Variants in MAST4 observed in about 807,000 individuals in gnomAD.
MAST4 encodes the protein microtubule associated serine/threonine kinase family member 4.
In MAST4, 89 loss-of-function variants were observed where a neutral mutation model predicts 162.7. The ratio of observed to expected loss-of-function variants is 0.55; its 90% CI spans 0.46 to 0.65. The LOEUF is 0.65. Ranked by LOEUF, MAST4 falls within the 30% of genes least tolerant of loss-of-function variation. The pLI, the probability that MAST4 is intolerant of heterozygous loss-of-function variation, is 0.00. For synonymous variants in MAST4, 1,479 were observed against 1,361.1 expected (o/e 1.09, Z -1.91); for missense variants, 3,153 against 3,374.0 (o/e 0.93, Z 1.62).
At chr5:67,131,731 A>G in intron 15 of MAST4, 82 bp from the exon 16 acceptor site, 1 of 1,412,858 alleles carries the variant, frequency 7.1e-7, no homozygotes, top group Non-Finnish European at 9.8e-7. Context: ...AGATGATTTC[A>G]CCTTGAAATT....
At position 66,596,717 on chromosome 5, in the gene MAST4, G is replaced by T. The variant is rs764382847; in HGVS notation, c.62G>T (p.Ser21Ile). ...PVPRGCSGHG[S>I]RTPASALVAA... ...CCCCGCGGCTGCAGTGGCCACGGCA[G>T]CCGGACTCCAGCCTCTGCGCTGGTC... The change falls in exon 1 of 29, where the codon AGC becomes ATC. Residue 21 changes from serine to isoleucine, a missense_variant. This residue lies in a region of MAST4 where 327 missense variants were observed against 336.5 expected (regional missense o/e 0.97). Coordinates refer to ENST00000403625, the MANE Select transcript of MAST4 (RefSeq NM_001164664.2). 12 of 1,443,586 alleles carry T rather than the reference G, an allele frequency of 8.3e-6. No homozygotes were observed. Among genetic ancestry groups the T allele is most frequent in the African/African-American group, 5.9e-5 (4 of 67,862 alleles). 89.4% of individuals were successfully genotyped at this position (1,443,586 alleles called of 1,614,324 possible).
chr5:67,110,306 A>T (rs1561665487), intron 11 of MAST4, 107 bp downstream of exon 11: 1 of 765,584 alleles, frequency 1.3e-6, no homozygotes, highest in Non-Finnish European at 2.3e-6. Flanking sequence ...AAATGGAAAG[A>T]GTCAAAGGGA....
intron 6 of MAST4, chr5:67,093,683 G>C: frequency 2.2e-6 from 1 of 451,362 alleles, no homozygotes; most frequent in Middle Eastern, 3.4e-4. Flanking sequence ...GTCTTCTCTT[G>C]GAATTGCTCA....
At chr5:67,026,742 C>A (rs1184117158) in intron 4 of MAST4, among the ~76,000 whole-genome samples, 1 of 152,108 alleles carries the variant, frequency 6.6e-6, no homozygotes, top group Non-Finnish European at 1.5e-5. Flanking sequence ...AGGCACACTT[C>A]TGGAATATTT....
At chr5:66,836,736 T>C (rs1757991568) in intron 3 of MAST4, among the ~76,000 whole-genome samples, 1 of 151,976 alleles carries the variant, frequency 6.6e-6, no homozygotes, top group African/African-American at 2.4e-5. Context: ...AAATGGGAGC[T>C]AAACACTGAG....
chr5:66,635,999 C>T (rs978369050), intron 1 of MAST4, among the ~76,000 whole-genome samples: 1 of 122,094 alleles, frequency 8.2e-6, no homozygotes, highest in Admixed American at 1.0e-4. Context: ...TGCTCTGTCA[C>T]CAGGCTAGAG....
chr5:67,050,614 T>C (rs1439165548), intron 4 of MAST4, among the ~76,000 whole-genome samples: 4 of 152,192 alleles, frequency 2.6e-5, no homozygotes, highest in Non-Finnish European at 1.5e-5. Context: ...ACCAGATAAA[T>C]GAAGTAAAAA....
intron 3 of MAST4, among the ~76,000 whole-genome samples, chr5:66,844,774 G>A (rs1436127998): frequency 6.6e-6 from 1 of 151,972 alleles, no homozygotes; most frequent in Non-Finnish European, 1.5e-5. Context: ...TTAAGAGGAT[G>A]CTCATCCAGC....
chr5:66,837,951 C>G (rs1758143796), intron 3 of MAST4, among the ~76,000 whole-genome samples: 1 of 135,884 alleles, frequency 7.4e-6, no homozygotes, highest in Non-Finnish European at 1.5e-5. Context: ...GATATACTCA[C>G]CATATTTGTT....
intron 3 of MAST4, chr5:66,789,859 T>A: frequency 2.2e-6 from 1 of 458,960 alleles, no homozygotes; most frequent in Non-Finnish European, 4.4e-6. Context: ...CTCTTTTCTA[T>A]GTTTGAAAAT....
In MAST4 at chr5:66,839,429, C is replaced by T. The variant is rs557454751; in HGVS notation, c.642+50635C>T. 3.9e-5 allele frequency among the ~76,000 whole-genome samples: 6 copies of T among 152,256 alleles called. No individual in the cohort carries two copies. In the South Asian group the frequency reaches 1.2e-3, roughly 32 times the overall value. ...AAGAGAAAATGCAATTTCTCCCAGA[C>T]TCATAGATTTCTGTTAGAATGGTTT... On this transcript the variant is annotated intron_variant, in intron 3 of 28. Coordinates refer to ENST00000403625, the MANE Select transcript of MAST4 (RefSeq NM_001164664.2).
intron 3 of MAST4, among the ~76,000 whole-genome samples, chr5:66,808,022 G>C (rs1306517884): frequency 6.6e-6 from 1 of 152,170 alleles, no homozygotes; most frequent in African/African-American, 2.4e-5. Flanking sequence ...GTTTTTCCTT[G>C]CCCTTTCTTC....
intron 1 of MAST4, among the ~76,000 whole-genome samples, chr5:66,690,429 A>G (rs1031083386): frequency 4.6e-5 from 7 of 152,128 alleles, no homozygotes; most frequent in African/African-American, 1.7e-4. Context: ...ATTGTCCGGG[A>G]TTAGAAAGGG....
In MAST4 at chr5:66,788,672, A is replaced by T; in HGVS notation, c.520A>T (p.Arg174Trp). Residue 174 changes from arginine to tryptophan, a missense_variant and splice_region_variant, in exon 3 of 29, where the codon AGG (arginine) becomes TGG (tryptophan). Coordinates refer to ENST00000403625, the MANE Select transcript of MAST4 (RefSeq NM_001164664.2). ...TTTCTTCTCTTTAACTCCAACAGGG[A>T]GGTACCTTCTTCCAAACCCGGTGGC... is the stretch of plus-strand genomic sequence containing the variant. ...RGSLGGALTGRYLLPNPVAGQ... is the reference protein window; with the variant it reads ...RGSLGGALTGWYLLPNPVAGQ... 1 of 1,594,304 alleles carries T rather than the reference A, an allele frequency of 6.3e-7. No individual in the cohort carries two copies. The highest frequency in any genetic ancestry group is 8.5e-7 in the Non-Finnish European group (1 of 1,171,112).
chr5:67,068,313 C>G (rs1263748520), intron 5 of MAST4, among the ~76,000 whole-genome samples: 1 of 152,192 alleles, frequency 6.6e-6, no homozygotes, highest in Non-Finnish European at 1.5e-5. Flanking sequence ...AATTGACTCA[C>G]AGTTCTGCAT....
At chr5:66,933,517 G>A (rs1304495553) in intron 4 of MAST4, among the ~76,000 whole-genome samples, 1 of 152,030 alleles carries the variant, frequency 6.6e-6, no homozygotes, top group East Asian at 1.9e-4. Context: ...TTCTTATCCT[G>A]GAATCAGTGG....
intron 1 of MAST4, among the ~76,000 whole-genome samples, chr5:66,603,094 A>G (rs1051611551): frequency 5.3e-5 from 8 of 152,176 alleles, no homozygotes; most frequent in African/African-American, 1.9e-4. Flanking sequence ...ATAAGCAAGA[A>G]ACCTACAAGT....
intron 8 of MAST4, among the ~76,000 whole-genome samples, chr5:67,101,153 C>T (rs971361984): frequency 2.1e-4 from 32 of 152,158 alleles, no homozygotes; most frequent in Admixed American, 4.6e-4. Flanking sequence ...GAATCTAAAA[C>T]AGAGCTTCTT....
chr5:66,982,441 C>T (rs1748977444), intron 4 of MAST4, among the ~76,000 whole-genome samples: 1 of 152,096 alleles, frequency 6.6e-6, no homozygotes, highest in Non-Finnish European at 1.5e-5. Flanking sequence ...AAAATTATGT[C>T]ATAAAAGAAT....
Sources: gnomAD v4.1 joint callset for allele counts (sites outside exome capture counted in the v4.1 genomes callset) on GRCh38, gnomAD v4.1.1 for gene constraint, gnomAD v4.1.1 regional missense constraint, MANE v1.5 for transcripts, NCBI Gene and HGNC (gene_info 2026-07-23, HGNC 2026-07-21) for gene names.